Variants in SEC22C observed in about 807,000 individuals in gnomAD.
SEC22C encodes the protein SEC22 homolog C, vesicle trafficking protein.
SEC22C carries 29 observed loss-of-function variants against 34.7 expected under a neutral mutation model. The observed-to-expected ratio is 0.84, with a 90% confidence interval of 0.62 to 1.14. SEC22C has a LOEUF of 1.14. SEC22C is among the 50% of genes most tolerant of loss of function. The pLI, the probability that SEC22C is intolerant of heterozygous loss-of-function variation, is 0.00. For missense variants in SEC22C, 337 were observed against 369.0 expected, an observed-to-expected ratio of 0.91 and a Z score of 0.71; for synonymous variants, 117 against 132.8, an observed-to-expected ratio of 0.88 and a Z score of 0.82.
In SEC22C at chr3:42,551,460, G is replaced by T; in HGVS notation, c.*1788C>A. 2 of 601,426 alleles carry T rather than the reference G, an allele frequency of 3.3e-6. No individual in the cohort carries two copies. Among genetic ancestry groups the T allele is most frequent in the Non-Finnish European group, 4.2e-6 (2 of 479,298 alleles). The allele number at this position is 601,426 out of a possible 1,614,324, so 37.3% of individuals were successfully genotyped here. A position where few individuals can be genotyped will look rare whatever the true frequency, so the allele number is the denominator to read the frequency against. On this transcript the variant is annotated 3_prime_UTR_variant, in exon 7 of 7. Transcript: ENST00000264454. ...GGACTCAAGGGATCCTCCTGCCTCA[G>T]ACTCCCAAAGTGCTGGGATTACAGG...
At position 42,552,997 on chromosome 3, in the gene SEC22C, G is replaced by A. The variant is rs1577286736; in HGVS notation, c.*251C>T. On this transcript the variant is annotated 3_prime_UTR_variant, in exon 7 of 7. Coordinates refer to ENST00000264454, the MANE Select transcript of SEC22C (RefSeq NM_032970.4). ...AAAGCTCTTTCTGGATGAGCCCCCA[G>A]ATCCAGCTGTCCTAGGTAAACGTGC... 7.7e-7 allele frequency: 1 copy of A among 1,297,310 alleles called. No homozygotes were observed. The highest frequency in any genetic ancestry group is 9.8e-7 in the Non-Finnish European group (1 of 1,023,146). The allele number at this position is 1,297,310 out of a possible 1,614,324, so 80.4% of individuals were successfully genotyped here. A position where few individuals can be genotyped will look rare whatever the true frequency, so the allele number is the denominator to read the frequency against.
At chr3:42,557,537 T>C in intron 5 of SEC22C, 41 bp downstream of exon 5, 1 of 933,012 alleles carries the variant, frequency 1.1e-6, no homozygotes, top group Non-Finnish European at 1.7e-6. Context: ...CTATCATATG[T>C]CCTTCAATTT....
Position 42,552,779 on chromosome 3 carries a change from T to C in SEC22C, c.*469A>G, listed in dbSNP as rs191944946. 1.0e-6 allele frequency: 1 copy of C among 984,374 alleles called. No individual in the cohort carries two copies. Among genetic ancestry groups the C allele is most frequent in the African/African-American group, 1.7e-5 (1 of 57,290 alleles). The allele number at this position is 984,374 out of a possible 1,614,324, so 61.0% of individuals were successfully genotyped here. ...TACATTTATGAACCATATTTTTAGG[T>C]TTTTAATTCATCCTGTACTGACCCT... On this transcript the variant is annotated 3_prime_UTR_variant, in exon 7 of 7. Transcript: ENST00000264454.
At chr3:42,561,627 G>T (rs1388007049) in intron 3 of SEC22C, among the ~76,000 whole-genome samples, 3 of 152,148 alleles carry the variant, frequency 2.0e-5, no homozygotes, top group Non-Finnish European at 4.4e-5. Flanking sequence ...GAGCTCAAGG[G>T]ATTCTCCTGC....
chr3:42,548,497 G>A lies in SEC22C; in HGVS notation c.*4751C>T. 1 of 1,149,430 alleles carries A rather than the reference G, an allele frequency of 8.7e-7. No homozygotes were observed. Among genetic ancestry groups the A allele is most frequent in the Non-Finnish European group, 1.3e-6 (1 of 779,286 alleles). The allele number at this position is 1,149,430 out of a possible 1,614,324, so 71.2% of individuals were successfully genotyped here. On this transcript the variant is annotated 3_prime_UTR_variant, in exon 7 of 7. Coordinates refer to ENST00000264454, the MANE Select transcript of SEC22C (RefSeq NM_032970.4). The stretch of plus-strand genomic sequence containing the variant: ...AATCCAGCCATTCCCAGATTTCACT[G>A]ACATGCCCTTTTCCACAGGCTCCCT...
At chr3:42,585,572 G>A (rs183192612), upstream of SEC22C, among the ~76,000 whole-genome samples, 744 of 152,216 alleles carry the variant, frequency 4.9e-3, 4 homozygotes, top group Non-Finnish European at 6.0e-3. Context: ...GCTCCATCGA[G>A]TCTTCATTTC....
intron 1 of SEC22C, among the ~76,000 whole-genome samples, chr3:42,596,103 C>A (rs1438643492): frequency 6.6e-6 from 1 of 151,884 alleles, no homozygotes; most frequent in African/African-American, 2.4e-5. Context: ...CTCACTGCAA[C>A]CTCTACCTCC....
chr3:42,548,764 A>AG lies in SEC22C; in HGVS notation c.*4483_*4484insC. 1 of 1,584,576 alleles carries AG rather than the reference A, an allele frequency of 6.3e-7. No homozygotes were observed. Among genetic ancestry groups the AG allele is most frequent in the Non-Finnish European group, 8.6e-7 (1 of 1,162,776 alleles). On this transcript the variant is annotated 3_prime_UTR_variant, in exon 7 of 7. Transcript: ENST00000264454. ...GCTGCTACCTTTTGGAGTGAAAAAA[A>AG]TGAGGTTTACACTGTAGTATAACAA...
rs201717890 is a variant in SEC22C, at chr3:42,590,862, G to A, written c.-28+10098C>T. ...GTAGGCCCCACCTATCGTGGGTCGA[G>A]TTGCTTGGCGGTCGTGGTTCCGGAG... On this transcript the variant is annotated intron_variant, in intron 1 of 6. Transcript: ENST00000417572. The A allele has an allele frequency of 3.7e-4, 593 of 1,612,608 alleles. 1 individual carries two copies. In the South Asian group the frequency reaches 3.8e-3, roughly 10 times the overall value.
At chr3:42,580,620 C>T (rs1704275837) in intron 1 of SEC22C, 1 of 152,178 alleles carries the variant, frequency 6.6e-6, no homozygotes, top group African/African-American at 2.4e-5. Context: ...TTATTAAATG[C>T]TTGTAACTAT....
At chr3:42,582,176 C>A (rs1425900002), upstream of SEC22C, 1 of 152,256 alleles carries the variant, frequency 6.6e-6, no homozygotes, top group Non-Finnish European at 1.5e-5. Flanking sequence ...ACTTTCTTCC[C>A]ACCTCCCGGC....
intron 1 of SEC22C, among the ~76,000 whole-genome samples, chr3:42,599,463 C>T (rs1344529820): frequency 8.0e-5 from 12 of 149,748 alleles, no homozygotes; most frequent in African/African-American, 2.7e-4. Context: ...GAGGCCGAGG[C>T]GGGCGGATCA....
rs1212387018 is a variant in SEC22C, at chr3:42,548,757, G to GA, written c.*4490dup. The GA allele has an allele frequency of 5.7e-6, 9 of 1,579,888 alleles. No individual in the cohort carries two copies. The highest frequency in any genetic ancestry group is 3.7e-5 in the Admixed American group (2 of 53,800). Reference sequence around the variant, plus strand: ...AAGAGGGGCTGCTACCTTTTGGAGTGAAAAAAATGAGGTTTACACTGTAGT... The same window carrying GA: ...AAGAGGGGCTGCTACCTTTTGGAGTGAAAAAAAATGAGGTTTACACTGTAGT... On this transcript the variant is annotated 3_prime_UTR_variant, in exon 7 of 7. Transcript: ENST00000264454.
chr3:42,555,308 C>T (rs536616707), intron 6 of SEC22C, among the ~76,000 whole-genome samples: 1 of 151,174 alleles, frequency 6.6e-6, no homozygotes, highest in South Asian at 2.1e-4. Context: ...GATTGTGCCA[C>T]TGCACTCCAG....
At position 42,551,631 on chromosome 3, in the gene SEC22C, C is replaced by G; in HGVS notation, c.*1617G>C. On this transcript the variant is annotated 3_prime_UTR_variant, in exon 7 of 7. Transcript: ENST00000264454. ...GGGAATACAGGCATGAGCCATCATG[C>G]CTGGCCCATATCCAAATATTTTATG... 8.5e-6 allele frequency: 8 copies of G among 940,570 alleles called. No homozygotes were observed. The highest frequency in any genetic ancestry group is 8.9e-6 in the Non-Finnish European group (7 of 789,134). The allele number at this position is 940,570 out of a possible 1,614,324, so 58.3% of individuals were successfully genotyped here.
chr3:42,596,172 G>C (rs704979), intron 1 of SEC22C, among the ~76,000 whole-genome samples: 69,085 of 151,686 alleles, frequency 0.46, 18,441 homozygotes, highest in African/African-American at 0.74. Context: ...CAGGCATGTG[G>C]CACCATGCCT....
rs891819667 is a variant in SEC22C at position 42,588,535 on chromosome 3, T to G, written c.-28+12425A>C. On this transcript the variant is annotated intron_variant, in intron 1 of 6. Transcript: ENST00000417572. ...ACTTAATACCCAGGACAGATCTTTGTGTGTATATATACATACCATATGTAG... is the reference window on the plus strand; with the variant it reads ...ACTTAATACCCAGGACAGATCTTTGGGTGTATATATACATACCATATGTAG... Among the ~76,000 whole-genome samples, 9 of 152,336 alleles carry G rather than the reference T, an allele frequency of 5.9e-5. No homozygotes were observed. The East Asian group carries it at 1.5e-3, about 26-fold the overall frequency.
intron 1 of SEC22C, among the ~76,000 whole-genome samples, chr3:42,569,673 T>C (rs1291893502): frequency 2.0e-5 from 3 of 152,238 alleles, no homozygotes; most frequent in Non-Finnish European, 2.9e-5. Context: ...CTGCAAATGT[T>C]TGATACAGAG....
intron 1 of SEC22C, among the ~76,000 whole-genome samples, chr3:42,589,396 A>C (rs1704735307): frequency 6.6e-6 from 1 of 152,220 alleles, no homozygotes; most frequent in South Asian, 2.1e-4. Flanking sequence ...TCAGGGGAAT[A>C]AAGCTCTAGG....
Sources: gnomAD v4.1 joint callset for allele counts (sites outside exome capture counted in the v4.1 genomes callset) on GRCh38, gnomAD v4.1.1 for gene constraint, MANE v1.5 for transcripts, NCBI Gene and HGNC (gene_info 2026-07-23, HGNC 2026-07-21) for gene names.